The following KHDRBS2 variants were observed in gnomAD, a reference collection of about 807,000 sequenced individuals.
KHDRBS2 encodes KH domain-containing, RNA-binding, signal transduction-associated protein 2.
A neutral mutation model predicts 44.3 loss-of-function variants in KHDRBS2; 26 were observed. That is an observed-to-expected ratio of 0.59 (90% CI 0.43 to 0.81). The LOEUF (loss-of-function observed/expected upper bound fraction) is 0.81. KHDRBS2 is among the 40% of genes least tolerant of loss of function. The pLI, the probability that KHDRBS2 is intolerant of heterozygous loss-of-function variation, is 0.00. For missense variants in KHDRBS2, 476 were observed against 433.1 expected (o/e 1.10, Z -0.88); for synonymous variants, 194 against 151.1 (o/e 1.28, Z -2.08).
At chr6:61,615,226 C>G in the KHDRBS2 span, among the ~76,000 whole-genome samples, 6 of 49,192 alleles carry the variant, frequency 1.2e-4, no homozygotes, top group Non-Finnish European at 2.5e-4. Flanking sequence ...GAGCAAGACT[C>G]CATCTCCAAA....
chr6:61,936,673 G>C (rs1474153372), intron 4 of KHDRBS2, among the ~76,000 whole-genome samples: 3 of 151,812 alleles, frequency 2.0e-5, no homozygotes, highest in Non-Finnish European at 4.4e-5. Flanking sequence ...CTTGTTTATA[G>C]GTTTGAAAAA....
intron 1 of KHDRBS2, among the ~76,000 whole-genome samples, chr6:62,242,944 A>C (rs1405497832): frequency 1.3e-5 from 2 of 152,152 alleles, no homozygotes; most frequent in Non-Finnish European, 2.9e-5. Context: ...CAGAATGACA[A>C]AAGGTATGAA....
intron 3 of KHDRBS2, among the ~76,000 whole-genome samples, chr6:61,996,055 A>T (rs1326994020): frequency 2.0e-5 from 3 of 152,230 alleles, no homozygotes; most frequent in Non-Finnish European, 4.4e-5. Flanking sequence ...GAACACAAGT[A>T]TAACTACTTC....
chr6:62,000,215 A>G (rs1417539332), intron 3 of KHDRBS2, among the ~76,000 whole-genome samples: 1 of 152,132 alleles, frequency 6.6e-6, no homozygotes, highest in African/African-American at 2.4e-5. Context: ...GTTTAAAAAG[A>G]TCTGAAATAC....
chr6:62,204,651 G>A (rs1373098323), intron 1 of KHDRBS2, among the ~76,000 whole-genome samples: 1 of 152,080 alleles, frequency 6.6e-6, no homozygotes, highest in Non-Finnish European at 1.5e-5. Flanking sequence ...ATCCTCTCAT[G>A]TTTCTGTACT....
chr6:62,080,870 T>C (rs919730484), intron 2 of KHDRBS2, among the ~76,000 whole-genome samples: 11 of 152,080 alleles, frequency 7.2e-5, no homozygotes, highest in Non-Finnish European at 1.2e-4. Flanking sequence ...TTGGCAATAT[T>C]AGGTTCCTCT....
chr6:61,799,649 C>T (rs1785945302), intron 6 of KHDRBS2, among the ~76,000 whole-genome samples: 1 of 151,880 alleles, frequency 6.6e-6, no homozygotes, highest in Non-Finnish European at 1.5e-5. Flanking sequence ...TACCCTGACC[C>T]TTATTCTCTC....
intron 3 of KHDRBS2, among the ~76,000 whole-genome samples, chr6:62,004,198 A>C (rs1263651348): frequency 6.6e-6 from 1 of 152,178 alleles, no homozygotes; most frequent in East Asian, 1.9e-4. Context: ...TCCTTCAAAA[A>C]ATCCATGAAT....
the KHDRBS2 span, among the ~76,000 whole-genome samples, chr6:61,649,077 G>A: frequency 3.9e-4 from 59 of 152,136 alleles, no homozygotes; most frequent in African/African-American, 1.4e-3. Context: ...TCACGTGGAG[G>A]AAGTCCTTCA....
At chr6:61,607,863 T>A in the KHDRBS2 span, among the ~76,000 whole-genome samples, 1 of 152,078 alleles carries the variant, frequency 6.6e-6, no homozygotes, top group Non-Finnish European at 1.5e-5. Context: ...ATTTTTTGTA[T>A]TTTTAGTAGA....
intron 7 of KHDRBS2, among the ~76,000 whole-genome samples, chr6:61,698,636 T>C (rs932320323): frequency 1.3e-5 from 2 of 152,094 alleles, no homozygotes; most frequent in Admixed American, 1.3e-4. Context: ...CCATAGTCTT[T>C]AGGAGAAAAA....
At chr6:61,583,467 T>C in the KHDRBS2 span, among the ~76,000 whole-genome samples, 1 of 151,796 alleles carries the variant, frequency 6.6e-6, no homozygotes, top group Non-Finnish European at 1.5e-5. Flanking sequence ...ATATCATTTA[T>C]TTAAGAGATC....
At chr6:61,722,118 A>T (rs1772702951) in intron 7 of KHDRBS2, among the ~76,000 whole-genome samples, 1 of 152,194 alleles carries the variant, frequency 6.6e-6, no homozygotes, top group African/African-American at 2.4e-5. Flanking sequence ...CTTGAATCCC[A>T]GGGATGAAGC....
At chr6:61,715,244 T>A (rs1406516286) in intron 7 of KHDRBS2, among the ~76,000 whole-genome samples, 1 of 151,852 alleles carries the variant, frequency 6.6e-6, no homozygotes, top group Admixed American at 6.6e-5. Flanking sequence ...CAATGGAGAA[T>A]TTATTGAGCT....
Position 62,225,161 on chromosome 6 carries a change from T to C in KHDRBS2, c.92-47849A>G, listed in dbSNP as rs143399309. ...CAGAGCAGCTCCCCATATAAATAAA[T>C]GATCTAGCTCAGCATGTCAATAGTA... On this transcript the variant is annotated intron_variant, in intron 1 of 8. Transcript: ENST00000281156. Among the ~76,000 whole-genome samples the C allele has an allele frequency of 1.2e-3, 189 of 152,292 alleles. 2 individuals are homozygous for C. The East Asian group carries it at 0.03, about 24-fold the overall frequency.
intron 2 of KHDRBS2, among the ~76,000 whole-genome samples, chr6:62,158,953 G>A (rs1423638256): frequency 1.3e-5 from 2 of 151,852 alleles, no homozygotes; most frequent in African/African-American, 4.8e-5. Flanking sequence ...CTGTTCAAAT[G>A]TACTATAGCA....
intron 4 of KHDRBS2, among the ~76,000 whole-genome samples, chr6:61,924,844 G>A (rs950868193): frequency 6.6e-6 from 1 of 151,794 alleles, no homozygotes; most frequent in Non-Finnish European, 1.5e-5. Context: ...ATTATTGCTA[G>A]TAGTTGTACA....
chr6:62,061,255 T>C (rs1420346891), intron 2 of KHDRBS2, among the ~76,000 whole-genome samples: 1 of 151,952 alleles, frequency 6.6e-6, no homozygotes, highest in East Asian at 2.0e-4. Flanking sequence ...GTTGATGCAG[T>C]TTCTTCCTAG....
the KHDRBS2 span, among the ~76,000 whole-genome samples, chr6:61,664,954 A>G: frequency 6.6e-6 from 1 of 151,750 alleles, no homozygotes; most frequent in Admixed American, 6.6e-5. Flanking sequence ...TTTTAAATAT[A>G]TACCTATTGG....
Sources: gnomAD v4.1 joint callset for allele counts (sites outside exome capture counted in the v4.1 genomes callset) on GRCh38, gnomAD v4.1.1 for gene constraint, MANE v1.5 for transcripts, NCBI Gene and HGNC (gene_info 2026-07-23, HGNC 2026-07-21) for gene names.